CYP19A1: variants seen among roughly 807,000 people sequenced by gnomAD.
The protein encoded by CYP19A1 is aromatase.
Under a neutral mutation model 44.4 loss-of-function variants are expected in CYP19A1, and 32 were observed. The observed-to-expected ratio is 0.72, with a 90% CI of 0.54 to 0.97. The LOEUF is 0.97. CYP19A1 is among the 50% of genes least tolerant of loss of function. CYP19A1 has a pLI of 0.00. For missense variants in CYP19A1, 598 were observed against 637.8 expected, an observed-to-expected ratio of 0.94 and a Z score of 0.67; for synonymous variants, 212 against 215.6, an observed-to-expected ratio of 0.98 and a Z score of 0.14.
chr15:51,306,745 A>AT (rs1350367499), intron 1 of CYP19A1, among the ~76,000 whole-genome samples: 1 of 152,232 alleles, frequency 6.6e-6, no homozygotes, highest in Non-Finnish European at 1.5e-5. Flanking sequence ...TAGAAAGACA[A>AT]TTAACAATAC....
In CYP19A1 at chr15:51,268,593, C is replaced by A. The variant is rs554535301; in HGVS notation, c.-38-25643G>T. Among the ~76,000 whole-genome samples, 8 of 145,636 alleles carry A rather than the reference C, an allele frequency of 5.5e-5. No homozygotes were observed. In the East Asian group the frequency reaches 1.7e-3, roughly 30 times the overall value. Reference sequence around the variant, plus strand: ...GTCAGTGCACAAGTCTTTGTGTGGACATATATTTCACTTCTCTTGAGTAAA... The same window carrying A: ...GTCAGTGCACAAGTCTTTGTGTGGAAATATATTTCACTTCTCTTGAGTAAA... On this transcript the variant is annotated intron_variant, in intron 1 of 9. Coordinates refer to ENST00000396402, the MANE Select transcript of CYP19A1 (RefSeq NM_000103.4).
intron 4 of CYP19A1, among the ~76,000 whole-genome samples, chr15:51,225,062 C>A (rs1283584818): frequency 6.6e-6 from 1 of 152,194 alleles, no homozygotes; most frequent in Non-Finnish European, 1.5e-5. Context: ...TTCATCTGTA[C>A]TTGGCATCAC....
intron 1 of CYP19A1, among the ~76,000 whole-genome samples, chr15:51,285,266 T>C (rs1017203941): frequency 1.3e-5 from 2 of 152,156 alleles, no homozygotes; most frequent in African/African-American, 4.8e-5. Flanking sequence ...AGGGTCCTCT[T>C]GTAAAAGGGA....
chr15:51,222,421 C>T lies in CYP19A1; in HGVS notation c.556G>A (p.Asp186Asn). 1.2e-6 allele frequency: 2 copies of T among 1,614,150 alleles called. No homozygotes were observed. The highest frequency in any genetic ancestry group is 1.7e-6 in the Non-Finnish European group (2 of 1,180,008). Residue 186 changes from aspartate (D) to asparagine (N), a missense_variant, in exon 5 of 10, where the codon GAC becomes AAC. Coordinates refer to ENST00000396402, the MANE Select transcript of CYP19A1 (RefSeq NM_000103.4). ...EEVTNESGYVDVLTLLRRVML... is the reference protein window; with the variant it reads ...EEVTNESGYVNVLTLLRRVML... ...ACACGACGCAGAAGGGTCAACACGT[C>T]CACATAGCCCGATTCATTGGTCACC...
chr15:51,314,872 C>T (rs2470151), intron 1 of CYP19A1, among the ~76,000 whole-genome samples: 44,381 of 152,050 alleles, frequency 0.29, 7,253 homozygotes, highest in African/African-American at 0.44. Context: ...TTCCTCATTT[C>T]CTACTTCCGA....
At chr15:51,301,858 C>A (rs1338391593) in intron 1 of CYP19A1, among the ~76,000 whole-genome samples, 1 of 152,172 alleles carries the variant, frequency 6.6e-6, no homozygotes, top group Non-Finnish European at 1.5e-5. Context: ...AAAACTTATT[C>A]TTGAAATTTG....
At chr15:51,222,679 G>A (rs764865333) in intron 4 of CYP19A1, among the ~76,000 whole-genome samples, 154 bp from the exon 5 acceptor site, 2 of 152,174 alleles carry the variant, frequency 1.3e-5, no homozygotes, top group Admixed American at 6.5e-5. Context: ...ATGCTTTTCT[G>A]TGGTCTCCTA....
chr15:51,222,062 C>T (rs543529943), intron 5 of CYP19A1: 28 of 568,612 alleles, frequency 4.9e-5, no homozygotes, highest in Middle Eastern at 9.3e-4. Context: ...AATAACCAAA[C>T]GAACTAATCA....
intron 4 of CYP19A1, among the ~76,000 whole-genome samples, chr15:51,223,430 T>G (rs2032284758): frequency 6.6e-6 from 1 of 152,090 alleles, no homozygotes; most frequent in Non-Finnish European, 1.5e-5. Flanking sequence ...TCTTTAAGCA[T>G]CTTTTAGGAG....
intron 1 of CYP19A1, among the ~76,000 whole-genome samples, chr15:51,316,997 G>C (rs1478904086): frequency 6.6e-6 from 1 of 152,136 alleles, no homozygotes; most frequent in Non-Finnish European, 1.5e-5. Context: ...CAAGAGTGCT[G>C]GTGTGGCAAG....
intron 9 of CYP19A1, 66 bp downstream of exon 9, chr15:51,212,254 C>A (rs1342704617): frequency 2.7e-6 from 3 of 1,120,884 alleles, no homozygotes; most frequent in Non-Finnish European, 4.1e-6. Context: ...ACACAAAGAA[C>A]CAGAGAGGAT....
Position 51,215,727 on chromosome 15 carries a change from A to C in CYP19A1, c.834T>G (p.Phe278Leu). The C allele has an allele frequency of 6.2e-7, 1 of 1,614,078 alleles. No homozygotes were observed. The highest frequency in any genetic ancestry group is 8.5e-7 in the Non-Finnish European group (1 of 1,179,984). The change falls in exon 7 of 10, where the codon TTT becomes TTG. Residue 278 changes from phenylalanine (F) to leucine (L), a missense_variant. Physicochemically the swap from Phe to Leu is conservative, Grantham distance 22 (BLOSUM62 0). Coordinates refer to ENST00000396402, the MANE Select transcript of CYP19A1 (RefSeq NM_000103.4). ...CCTCTGCTAAAATCAACTCAGTGGC[A>C]AAGTCCATACATTCTTCCAGTTTCT... ...TEEKLEECMD[F>L]ATELILAEKR...
At chr15:51,319,236 A>G (rs796112285) in intron 1 of CYP19A1, among the ~76,000 whole-genome samples, 8 of 152,330 alleles carry the variant, frequency 5.3e-5, no homozygotes, top group African/African-American at 1.9e-4. Flanking sequence ...TTACAACTAA[A>G]TATATTCAGC....
At chr15:51,329,300 A>T (rs1195827524) in intron 1 of CYP19A1, among the ~76,000 whole-genome samples, 1 of 152,074 alleles carries the variant, frequency 6.6e-6, no homozygotes, top group Non-Finnish European at 1.5e-5. Flanking sequence ...CTTCACACAT[A>T]GGGCCCCACT....
intron 5 of CYP19A1, among the ~76,000 whole-genome samples, chr15:51,221,156 A>T (rs2032043407): frequency 6.6e-6 from 1 of 152,214 alleles, no homozygotes; most frequent in Non-Finnish European, 1.5e-5. Context: ...GATAAGAAGT[A>T]AAAACAAAAC....
chr15:51,251,074 C>T (rs2034287670), intron 1 of CYP19A1, among the ~76,000 whole-genome samples: 1 of 152,306 alleles, frequency 6.6e-6, no homozygotes, highest in Non-Finnish European at 1.5e-5. Context: ...CTTCCCAGGC[C>T]TGCCACGCCC....
intron 2 of CYP19A1, 148 bp downstream of exon 2, chr15:51,242,620 C>A: frequency 1.5e-6 from 1 of 660,014 alleles, no homozygotes. Flanking sequence ...AAAATTTTCT[C>A]CCAAGTCCTC....
At chr15:51,286,346 C>T (rs956274616) in intron 1 of CYP19A1, among the ~76,000 whole-genome samples, 12 of 152,196 alleles carry the variant, frequency 7.9e-5, no homozygotes, top group African/African-American at 2.4e-4. Context: ...GGGACAGATG[C>T]ACATCTTTAG....
intron 1 of CYP19A1, among the ~76,000 whole-genome samples, chr15:51,305,401 A>C (rs574743684): frequency 6.6e-6 from 1 of 152,298 alleles, no homozygotes; most frequent in East Asian, 1.9e-4. Flanking sequence ...AAATGCAGAT[A>C]ATATGACCTT....
Sources: gnomAD v4.1 joint callset for allele counts (sites outside exome capture counted in the v4.1 genomes callset) on GRCh38, gnomAD v4.1.1 for gene constraint, MANE v1.5 for transcripts, NCBI Gene and HGNC (gene_info 2026-07-23, HGNC 2026-07-21) for gene names.